Variants in ABCA7 observed in about 807,000 individuals in gnomAD.
The protein encoded by ABCA7 is phospholipid-transporting ATPase ABCA7.
In ABCA7, 261 loss-of-function variants were observed where a neutral mutation model predicts 227.6. That is an observed-to-expected ratio of 1.15 (90% CI 1.04 to 1.27). The LOEUF (loss-of-function observed/expected upper bound fraction) is 1.27. Among genes scored for constraint, ABCA7 ranks in the 50% most tolerant of loss-of-function variants. The pLI is 0.00. For synonymous variants in ABCA7, 1,488 were observed against 1,279.7 expected (o/e 1.16, Z -3.47); for missense variants, 3,331 against 2,924.5 (o/e 1.14, Z -3.21).
intron 12 of ABCA7, 70 bp downstream of exon 12, chr19:1,045,301 C>A (rs1481104845): frequency 7.2e-6 from 10 of 1,382,406 alleles, no homozygotes; most frequent in East Asian, 2.5e-5. Flanking sequence ...TGGGGCCAGG[C>A]AGCATTCAGC....
chr19:1,060,583 G>A (rs576615260), intron 40 of ABCA7, among the ~76,000 whole-genome samples: 1 of 139,420 alleles, frequency 7.2e-6, no homozygotes, highest in Non-Finnish European at 1.6e-5. Flanking sequence ...GCAGTGTCAC[G>A]ATCTCGGCTC....
chr19:1,051,198 G>T lies in ABCA7; in HGVS notation c.2728G>T (p.Gly910Cys). 2 of 1,611,310 alleles carry T rather than the reference G, an allele frequency of 1.2e-6. No individual in the cohort carries two copies. Among genetic ancestry groups the T allele is most frequent in the Non-Finnish European group, 8.5e-7 (1 of 1,179,902 alleles). The change falls in exon 20 of 47, where the codon GGT (glycine) becomes TGT (cysteine). Residue 910 changes from glycine to cysteine, a missense_variant. Gly to Cys is a radical substitution (Grantham distance 159, BLOSUM62 -3). Transcript: ENST00000263094. ...CGTCTGGTTCTATGGGCGGCTGAAG[G>T]GTCTGAGTGCCGCTGTAGTGGGCCC... ...EHVWFYGRLK[G>C]LSAAVVGPEQ... is the part of the protein sequence containing the mutation.
chr19:1,050,836 TTAA>T, intron 18 of ABCA7, 82 bp from the exon 19 acceptor site: 2 of 1,072,386 alleles, frequency 1.9e-6, no homozygotes, highest in Non-Finnish European at 2.4e-6. Context: ...TAAAAATTTT[TTAA>T]AAACAGAAAT....
intron 16 of ABCA7, 36 bp from the exon 17 acceptor site, chr19:1,048,859 G>A (rs1364501424): frequency 1.5e-6 from 2 of 1,296,146 alleles, no homozygotes; most frequent in Non-Finnish European, 2.2e-6. Flanking sequence ...ACTCCTGGGG[G>A]GTGGGCTAAG....
In ABCA7 at chr19:1,052,139, C is replaced by G; in HGVS notation, c.3147+13C>G. ...CACCAATGAGAAGGTGGGGACCGGC[C>G]TTCTCCTGACCCCTGACCCCCGGGA... On this transcript the variant is annotated intron_variant, in intron 22 of 46. Transcript: ENST00000263094. 6.2e-7 allele frequency: 1 copy of G among 1,611,538 alleles called. No individual in the cohort carries two copies. Among genetic ancestry groups the G allele is most frequent in the Non-Finnish European group, 8.5e-7 (1 of 1,179,502 alleles).
chr19:1,052,032 G>C lies in ABCA7; in HGVS notation c.3053G>C (p.Cys1018Ser), dbSNP rs746109418. ...VAVVAGGRLC[C>S]CGSPLFLRRH... ...GTGGTGGCAGGTGGCCGCTTGTGCT[G>C]CTGTGGCTCCCCACTCTTCCTGCGC... is the stretch of plus-strand genomic sequence containing the variant. Residue 1018 changes from cysteine to serine, a missense_variant, in exon 22 of 47, where the codon TGC becomes TCC. Cys to Ser is a moderately radical substitution (Grantham distance 112). Coordinates refer to ENST00000263094, the MANE Select transcript of ABCA7 (RefSeq NM_019112.4). The C allele has an allele frequency of 3.1e-6, 5 of 1,612,270 alleles. No individual in the cohort carries two copies. Among genetic ancestry groups the C allele is most frequent in the Admixed American group, 1.7e-5 (1 of 60,004 alleles).
At position 1,051,210 on chromosome 19, in the gene ABCA7, G is replaced by C. The variant is rs111940546; in HGVS notation, c.2740G>C (p.Ala914Pro). The change falls in exon 20 of 47, where the codon GCT becomes CCT. Residue 914 changes from alanine to proline, a missense_variant. Transcript: ENST00000263094. ...FYGRLKGLSA[A>P]VVGPEQDRLL... ...TGGGCGGCTGAAGGGTCTGAGTGCC[G>C]CTGTAGTGGGCCCCGAGCAGGACCG... 4 of 1,610,944 alleles carry C rather than the reference G, an allele frequency of 2.5e-6. No individual in the cohort carries two copies. The highest frequency in any genetic ancestry group is 1.3e-5 in the African/African-American group (1 of 74,912).
In ABCA7 at chr19:1,054,839, C is replaced by A; in HGVS notation, c.3911C>A (p.Ala1304Glu). 1 of 1,568,206 alleles carries A rather than the reference C, an allele frequency of 6.4e-7. No homozygotes were observed. The highest frequency in any genetic ancestry group is 2.4e-5 in the East Asian group (1 of 42,052). The stretch of plus-strand genomic sequence containing the variant: ...CTGCTCGAGGCGCTGCTGCAGGAGG[C>A]AGGACTGGAGGAGCCCCCAGTGCAG... ...ARLLEALLQE[A>E]GLEEPPVQHS... Residue 1304 changes from alanine to glutamate, a missense_variant, in exon 29 of 47, where the codon GCA (alanine) becomes GAA (glutamate). Physicochemically the swap from Ala to Glu is moderately radical, Grantham distance 107. Transcript: ENST00000263094. The surrounding 1 kb of genome is among the most constrained non-coding windows in gnomAD (Gnocchi z 4.8).
Position 1,054,967 on chromosome 19 carries a change from G to T in ABCA7, c.3950+89G>T. 1 of 1,546,732 alleles carries T rather than the reference G, an allele frequency of 6.5e-7. No homozygotes were observed. The highest frequency in any genetic ancestry group is 8.8e-7 in the Non-Finnish European group (1 of 1,141,866). On this transcript the variant is annotated intron_variant, in intron 29 of 46. Coordinates refer to ENST00000263094, the MANE Select transcript of ABCA7 (RefSeq NM_019112.4). The surrounding 1 kb of genome is among the most constrained non-coding windows in gnomAD (Gnocchi z 4.8). The stretch of plus-strand genomic sequence containing the variant: ...GGCCAGGGAGCCTCAGGGGGCACCT[G>T]GAGCATCCCCTGTGCCCACCTGGGA...
At chr19:1,047,728 C>T (rs1451913547) in intron 16 of ABCA7, 74 bp downstream of exon 16, 3 of 1,450,744 alleles carry the variant, frequency 2.1e-6, no homozygotes, top group Non-Finnish European at 2.7e-6. Flanking sequence ...GGTGTGGCCT[C>T]CAGGCCGTTT....
rs770616158 is a variant in ABCA7 at position 1,058,971 on chromosome 19, G to A, written c.5400+31G>A. The A allele has an allele frequency of 2.5e-6, 4 of 1,612,726 alleles. No individual in the cohort carries two copies. The South Asian group carries it at 4.4e-5, about 18-fold the overall frequency. On this transcript the variant is annotated intron_variant, in intron 39 of 46. Coordinates refer to ENST00000263094, the MANE Select transcript of ABCA7 (RefSeq NM_019112.4). Reference sequence around the variant, plus strand: ...TGTGGTCAGGTCGACTGCTGGGTGGGGGGTGCTCCCACTGGCCCACTCACC... The same window carrying A: ...TGTGGTCAGGTCGACTGCTGGGTGGAGGGTGCTCCCACTGGCCCACTCACC...
At chr19:1,040,875 A>G (rs2039961618) in intron 1 of ABCA7, among the ~76,000 whole-genome samples, 1 of 152,012 alleles carries the variant, frequency 6.6e-6, no homozygotes, top group Non-Finnish European at 1.5e-5. Flanking sequence ...GGCGTGTGAA[A>G]TGTCCAGCAC....
At position 1,056,534 on chromosome 19, in the gene ABCA7, C is replaced by T. The variant is rs766506319; in HGVS notation, c.4586+35C>T. The T allele has an allele frequency of 8.9e-6, 14 of 1,578,236 alleles. No individual in the cohort carries two copies. Among genetic ancestry groups the T allele is most frequent in the South Asian group, 7.9e-5 (7 of 88,946 alleles). ...TCCACCCTGCATGTCCTACCCTGCA[C>T]GTCCTACCCTGCCTCCATTTCTCTG... On this transcript the variant is annotated intron_variant, in intron 33 of 46. Coordinates refer to ENST00000263094, the MANE Select transcript of ABCA7 (RefSeq NM_019112.4). The surrounding 1 kb of genome is among the most constrained non-coding windows in gnomAD (Gnocchi z 4.3).
In ABCA7 at chr19:1,065,426, G is replaced by A; in HGVS notation, c.*1G>A. 1 of 1,613,082 alleles carries A rather than the reference G, an allele frequency of 6.2e-7. No homozygotes were observed. On this transcript the variant is annotated 3_prime_UTR_variant, in exon 47 of 47. Transcript: ENST00000263094. ...TAGCACTGCCGAGACTGTGCTCTGA[G>A]CCTCCCTCCCCTGCGGGGCCGCGGG... is the stretch of plus-strand genomic sequence containing the variant.
In ABCA7 at chr19:1,043,761, G is replaced by C; in HGVS notation, c.967G>C (p.Asp323His). 6.2e-7 allele frequency: 1 copy of C among 1,613,162 alleles called. No individual in the cohort carries two copies. The highest frequency in any genetic ancestry group is 8.5e-7 in the Non-Finnish European group (1 of 1,179,970). ...CTTCGAGGAGCTCACCCTGCTGAGGGATGTCCGGGAGGTGTGGGAGATGCT... is the reference window on the plus strand; with the variant it reads ...CTTCGAGGAGCTCACCCTGCTGAGGCATGTCCGGGAGGTGTGGGAGATGCT... ...RTFEELTLLR[D>H]VREVWEMLGP... The change falls in exon 10 of 47, where the codon GAT (aspartate) becomes CAT (histidine). Residue 323 changes from aspartate to histidine, a missense_variant. Asp to His is a moderately conservative substitution (Grantham distance 81, BLOSUM62 -1). Coordinates refer to ENST00000263094, the MANE Select transcript of ABCA7 (RefSeq NM_019112.4).
chr19:1,046,208 G>C (rs1158466578), intron 12 of ABCA7, 22 bp from the exon 13 acceptor site: 4 of 1,602,536 alleles, frequency 2.5e-6, no homozygotes, highest in Non-Finnish European at 3.4e-6. Flanking sequence ...CCCTACAACC[G>C]GCCACCATGC....
At chr19:1,049,961 A>G (rs1350338999) in intron 18 of ABCA7, among the ~76,000 whole-genome samples, 3 of 42,804 alleles carry the variant, frequency 7.0e-5, no homozygotes, top group Admixed American at 3.0e-4. Context: ...GTCCCCCACC[A>G]CTCCCTCCCT....
chr19:1,057,848 G>A, intron 35 of ABCA7, 67 bp from the exon 36 acceptor site: 3 of 1,566,568 alleles, frequency 1.9e-6, no homozygotes, highest in South Asian at 2.3e-5. Flanking sequence ...TGGGAATGGA[G>A]ATTTTTATTC....
chr19:1,049,053 TCC>T, intron 17 of ABCA7, 48 bp downstream of exon 17: 1 of 1,090,144 alleles, frequency 9.2e-7, no homozygotes, highest in East Asian at 2.6e-5. Flanking sequence ...TATGCCCAGT[TCC>T]CCCCCAAAAC....
Sources: gnomAD v4.1 joint callset for allele counts (sites outside exome capture counted in the v4.1 genomes callset) on GRCh38, gnomAD v4.1.1 for gene constraint, Gnocchi (gnomAD v3.1) non-coding constraint, MANE v1.5 for transcripts, NCBI Gene and HGNC (gene_info 2026-07-23, HGNC 2026-07-21) for gene names.